PSD2: variants seen among roughly 807,000 people sequenced by gnomAD.
The protein encoded by PSD2 is pleckstrin and Sec7 domain containing 2, also known as PH and SEC7 domain-containing protein 2.
Under a neutral mutation model 69.8 loss-of-function variants are expected in PSD2, and 38 were observed. The observed-to-expected ratio is 0.54, with a 90% CI of 0.42 to 0.71. The LOEUF (loss-of-function observed/expected upper bound fraction) is 0.71, where lower values mean the gene tolerates loss of function less well. Among genes scored for constraint, PSD2 ranks in the 30% least tolerant of loss-of-function variants. The pLI is 0.00. For synonymous variants in PSD2, 412 were observed against 423.0 expected, an observed-to-expected ratio of 0.97 and a Z score of 0.32; for missense variants, 943 against 1,014.5, an observed-to-expected ratio of 0.93 and a Z score of 0.96.
upstream of PSD2, among the ~76,000 whole-genome samples, chr5:139,794,457 C>G (rs1478858095): frequency 6.6e-6 from 1 of 152,208 alleles, no homozygotes. Context: ...TACTGCCACC[C>G]TAAGAGGTCA....
the PSD2 span, among the ~76,000 whole-genome samples, chr5:139,767,471 T>A: frequency 6.6e-6 from 1 of 152,050 alleles, no homozygotes; most frequent in East Asian, 1.9e-4. Flanking sequence ...TGCACCACCA[T>A]GCCCAGCTAA....
At chr5:139,759,410 A>ACC in the PSD2 span, among the ~76,000 whole-genome samples, 4 of 151,774 alleles carry the variant, frequency 2.6e-5, no homozygotes, top group Non-Finnish European at 4.4e-5. Flanking sequence ...GCTGCCCCCG[A>ACC]TCGCGGTCAC....
At chr5:139,788,184 C>G in the PSD2 span, among the ~76,000 whole-genome samples, 17 of 151,872 alleles carry the variant, frequency 1.1e-4, no homozygotes, top group South Asian at 2.1e-4. Flanking sequence ...CCCGCGCCCC[C>G]CCCCGAACCC....
At chr5:139,820,215 G>T (rs1760223061) in intron 5 of PSD2, among the ~76,000 whole-genome samples, 1 of 152,178 alleles carries the variant, frequency 6.6e-6, no homozygotes, top group South Asian at 2.1e-4. Flanking sequence ...AGAGTGTCCA[G>T]GGAAGGGGAG....
intron 8 of PSD2, among the ~76,000 whole-genome samples, chr5:139,834,581 G>C (rs549459631): frequency 6.6e-6 from 1 of 151,676 alleles, no homozygotes. Flanking sequence ...AATTACAGGC[G>C]TAAGCCACCA....
At chr5:139,748,913 G>GGC in the PSD2 span, among the ~76,000 whole-genome samples, 15 of 152,284 alleles carry the variant, frequency 9.9e-5, no homozygotes, top group African/African-American at 3.4e-4. Context: ...ATGTTGGGGG[G>GGC]GGTGAATACA....
the PSD2 span, among the ~76,000 whole-genome samples, chr5:139,774,837 C>CG: frequency 2.0e-5 from 3 of 152,106 alleles, no homozygotes; most frequent in Admixed American, 2.0e-4. Context: ...CCGCTTTCCT[C>CG]GGGGTCCGCA....
chr5:139,778,053 G>A, the PSD2 span, among the ~76,000 whole-genome samples: 6 of 152,212 alleles, frequency 3.9e-5, no homozygotes, highest in African/African-American at 1.4e-4. Flanking sequence ...ATGAAGAAGC[G>A]AGGGCTTCAG....
At chr5:139,759,406 C>CCT in the PSD2 span, among the ~76,000 whole-genome samples, 2 of 152,090 alleles carry the variant, frequency 1.3e-5, no homozygotes, top group Non-Finnish European at 2.9e-5. Context: ...GGATGCTGCC[C>CCT]CCGATCGCGG....
chr5:139,751,873 A>G, the PSD2 span, among the ~76,000 whole-genome samples: 1 of 146,732 alleles, frequency 6.8e-6, no homozygotes, highest in Non-Finnish European at 1.5e-5. Context: ...TGCTCACTGC[A>G]GCCTCAACCT....
chr5:139,798,827 A>G (rs1759596374), intron 1 of PSD2, among the ~76,000 whole-genome samples: 2 of 152,230 alleles, frequency 1.3e-5, no homozygotes, highest in South Asian at 4.1e-4. Flanking sequence ...TTAACCTAAC[A>G]TGTAGTCCAT....
At chr5:139,779,482 T>C in the PSD2 span, among the ~76,000 whole-genome samples, 2 of 152,362 alleles carry the variant, frequency 1.3e-5, no homozygotes, top group Non-Finnish European at 1.5e-5. Flanking sequence ...CAGTACACTT[T>C]GACCCCCAAA....
chr5:139,790,582 G>A, the PSD2 span, among the ~76,000 whole-genome samples: 1 of 152,164 alleles, frequency 6.6e-6, no homozygotes, highest in African/African-American at 2.4e-5. Flanking sequence ...ACAGTGAGGA[G>A]TCCTGGAAGT....
intron 14 of PSD2, among the ~76,000 whole-genome samples, chr5:139,842,057 C>T (rs1302061542): frequency 6.6e-6 from 1 of 152,086 alleles, no homozygotes; most frequent in African/African-American, 2.4e-5. Context: ...GTGTCATATA[C>T]AAGAAATCAT....
At chr5:139,835,893 C>T (rs1760704179) in intron 9 of PSD2, 127 bp downstream of exon 9, 2 of 851,078 alleles carry the variant, frequency 2.3e-6, no homozygotes, top group Admixed American at 3.8e-5. Flanking sequence ...GGCCTGATAC[C>T]TGTGTCTAGC....
At chr5:139,796,632 G>A (rs1311837513) in intron 1 of PSD2, among the ~76,000 whole-genome samples, 1 of 152,228 alleles carries the variant, frequency 6.6e-6, no homozygotes, top group Admixed American at 6.5e-5. Flanking sequence ...TGGGTGCAGA[G>A]GGAGTCCAGA....
the PSD2 span, among the ~76,000 whole-genome samples, chr5:139,790,779 A>G: frequency 6.6e-6 from 1 of 152,052 alleles, no homozygotes; most frequent in South Asian, 2.1e-4. Context: ...GCTGTGGTTC[A>G]TGCTTGTAAT....
intron 7 of PSD2, among the ~76,000 whole-genome samples, chr5:139,824,466 G>A (rs1242618833): frequency 7.0e-5 from 10 of 142,732 alleles, no homozygotes; most frequent in Non-Finnish European, 1.0e-4. Flanking sequence ...GCGAGATCTC[G>A]GTTCACCACA....
chr5:139,810,675 G>C, intron 2 of PSD2, among the ~76,000 whole-genome samples: 1 of 152,214 alleles, frequency 6.6e-6, no homozygotes, highest in Non-Finnish European at 1.5e-5. Context: ...GTAGGGATAA[G>C]TGTCTCTAAG....
Sources: allele counts gnomAD v4.1 joint callset (sites outside exome capture counted in the v4.1 genomes callset), GRCh38; gene constraint gnomAD v4.1.1; transcripts MANE v1.5; gene names NCBI Gene and HGNC (gene_info 2026-07-23, HGNC 2026-07-21).